The following COMMD10 variants were observed in gnomAD, a reference collection of about 807,000 sequenced individuals.
COMMD10 encodes the protein COMM domain-containing protein 10.
A neutral mutation model predicts 28.9 loss-of-function variants in COMMD10; 33 were observed. The ratio of observed to expected loss-of-function variants is 1.14; its 90% CI spans 0.87 to 1.53. COMMD10 has a LOEUF of 1.53. COMMD10 is among the 40% of genes most tolerant of loss of function. COMMD10 has a pLI of 0.00. For missense variants in COMMD10, 310 were observed against 233.4 expected (o/e 1.33, Z -2.14); for synonymous variants, 110 against 81.7 (o/e 1.35, Z -1.87).
chr5:116,120,672 T>C (rs1225521306), intron 4 of COMMD10, among the ~76,000 whole-genome samples: 20 of 152,236 alleles, frequency 1.3e-4, no homozygotes, highest in South Asian at 1.0e-3. Flanking sequence ...CTTACAGATA[T>C]ACTTTTTGTA....
At chr5:116,190,203 G>T (rs983425774) in intron 5 of COMMD10, among the ~76,000 whole-genome samples, 4 of 151,862 alleles carry the variant, frequency 2.6e-5, no homozygotes, top group Non-Finnish European at 5.9e-5. Context: ...GAGGATGGAG[G>T]GAAAGAAACT....
intron 1 of COMMD10, among the ~76,000 whole-genome samples, chr5:116,085,936 C>T (rs1750076925): frequency 6.6e-6 from 1 of 152,136 alleles, no homozygotes; most frequent in Admixed American, 6.5e-5. Context: ...AGGTTCTTGG[C>T]GTCTTGAACA....
intron 5 of COMMD10, among the ~76,000 whole-genome samples, chr5:116,154,789 T>G (rs1580497513): frequency 1.8e-4 from 1 of 5,522 alleles, no homozygotes; most frequent in Non-Finnish European, 5.2e-4. Context: ...AGCCCTTCAT[T>G]TTTTTTTTTT....
intron 4 of COMMD10, among the ~76,000 whole-genome samples, chr5:116,112,088 T>C (rs900596944): frequency 1.2e-4 from 19 of 152,230 alleles, no homozygotes; most frequent in African/African-American, 3.4e-4. Context: ...ACATTTCTTG[T>C]AGAGCTGGTC....
intron 5 of COMMD10, among the ~76,000 whole-genome samples, chr5:116,156,452 C>T (rs190216763): frequency 5.5e-4 from 83 of 152,220 alleles, no homozygotes; most frequent in African/African-American, 1.9e-3. Context: ...ATCTTCATTT[C>T]CTTGAAGAGG....
intron 5 of COMMD10, among the ~76,000 whole-genome samples, chr5:116,209,272 T>C (rs1387183749): frequency 6.6e-6 from 1 of 151,844 alleles, no homozygotes; most frequent in East Asian, 1.9e-4. Flanking sequence ...TAATATTTTC[T>C]ACTTACTGCT....
intron 5 of COMMD10, among the ~76,000 whole-genome samples, chr5:116,217,505 TA>T (rs752359551): frequency 1.1e-4 from 16 of 152,194 alleles, no homozygotes; most frequent in Non-Finnish European, 1.3e-4. Flanking sequence ...CGGCAGAATT[TA>T]TCTGAAGATC....
chr5:116,202,846 C>T (rs1365918512), intron 5 of COMMD10, among the ~76,000 whole-genome samples: 9 of 151,940 alleles, frequency 5.9e-5, no homozygotes, highest in Non-Finnish European at 8.8e-5. Flanking sequence ...TTCCTGTTCA[C>T]TCCGATGGTA....
chr5:116,232,487 A>G (rs916163212), intron 5 of COMMD10, among the ~76,000 whole-genome samples: 1 of 152,080 alleles, frequency 6.6e-6, no homozygotes, highest in African/African-American at 2.4e-5. Flanking sequence ...AAGTGTTCAG[A>G]AATAACAAAG....
At chr5:116,191,111 G>T (rs959742970) in intron 5 of COMMD10, among the ~76,000 whole-genome samples, 1 of 152,110 alleles carries the variant, frequency 6.6e-6, no homozygotes, top group African/African-American at 2.4e-5. Flanking sequence ...CCAGATTTCA[G>T]AGGGGTAGAG....
At chr5:116,148,125 T>A (rs1448742318) in intron 5 of COMMD10, among the ~76,000 whole-genome samples, 1 of 151,916 alleles carries the variant, frequency 6.6e-6, no homozygotes, top group South Asian at 2.1e-4. Context: ...TACTAACATG[T>A]TGACTAAAGT....
chr5:116,250,001 T>G (rs1750063169), intron 5 of COMMD10, among the ~76,000 whole-genome samples: 1 of 151,978 alleles, frequency 6.6e-6, no homozygotes, highest in Admixed American at 6.6e-5. Flanking sequence ...TTTTATATTG[T>G]TATATTTTTC....
chr5:116,165,512 C>T (rs927597066), intron 5 of COMMD10, among the ~76,000 whole-genome samples: 1 of 152,066 alleles, frequency 6.6e-6, no homozygotes, highest in African/African-American at 2.4e-5. Flanking sequence ...AAGGTCTTGG[C>T]AAATTTGGTT....
In COMMD10 at chr5:116,238,810, A is replaced by G. The variant is rs555382277; in HGVS notation, c.511-52707A>G. ...TGTGAGGGAGAGACTGGGCTTTGACATAGTACCACTGGATAATACATACAT... is the reference window on the plus strand; with the variant it reads ...TGTGAGGGAGAGACTGGGCTTTGACGTAGTACCACTGGATAATACATACAT... On this transcript the variant is annotated intron_variant, in intron 5 of 6. Transcript: ENST00000274458. Among the ~76,000 whole-genome samples, 25 of 152,332 alleles carry G rather than the reference A, an allele frequency of 1.6e-4. 1 individual carries two copies. The highest frequency in any genetic ancestry group is 5.3e-4 in the African/African-American group (22 of 41,574).
intron 4 of COMMD10, among the ~76,000 whole-genome samples, chr5:116,094,178 A>G (rs1208768935): frequency 6.6e-6 from 1 of 152,228 alleles, no homozygotes; most frequent in South Asian, 2.1e-4. Context: ...ATGGAACTAT[A>G]TTAAACTAAA....
intron 5 of COMMD10, among the ~76,000 whole-genome samples, chr5:116,181,735 G>A (rs1031845455): frequency 2.0e-5 from 3 of 151,642 alleles, no homozygotes; most frequent in Non-Finnish European, 4.4e-5. Context: ...TGAGAAGGAA[G>A]GTTTTTTAAT....
Position 116,091,361 on chromosome 5 carries a change from TTAAA to T in COMMD10, c.243+175_243+178del, listed in dbSNP as rs1750294295. Reference sequence around the variant, plus strand: ...AAAATATTTGAATATTGTAAAGTATTTAAATATGAATTGAGACTTCATTGATTTG... The same window carrying T: ...AAAATATTTGAATATTGTAAAGTATTTATGAATTGAGACTTCATTGATTTG... On this transcript the variant is annotated intron_variant, in intron 3 of 6. Coordinates refer to ENST00000274458, the MANE Select transcript of COMMD10 (RefSeq NM_016144.4). 2.0e-5 allele frequency among the ~76,000 whole-genome samples: 3 copies of T among 152,338 alleles called. No homozygotes were observed. The South Asian group carries it at 6.2e-4, about 32-fold the overall frequency.
Position 116,087,561 on chromosome 5 carries a change from C to T in COMMD10, c.106C>T (p.Arg36Trp), listed in dbSNP as rs768965375. The change falls in exon 2 of 7, where the codon CGG becomes TGG. Residue 36 changes from arginine to tryptophan, a missense_variant. Coordinates refer to ENST00000274458, the MANE Select transcript of COMMD10 (RefSeq NM_016144.4). ...DTGRFPRLLT[R>W]ILQKLHLKAE... ...AGGAAGATTTCCACGGTTGCTCACT[C>T]GGATTCTTCAAAAACTTCACCTGAA... is the stretch of plus-strand genomic sequence containing the variant. The T allele has an allele frequency of 2.0e-5, 32 of 1,611,000 alleles. No homozygotes were observed. The Admixed American group carries it at 2.7e-4, about 13-fold the overall frequency.
In COMMD10 at chr5:116,192,884, G is replaced by A. The variant is rs577251311; in HGVS notation, c.510+58706G>A. Among the ~76,000 whole-genome samples, 59 of 152,240 alleles carry A rather than the reference G, an allele frequency of 3.9e-4. 2 individuals are homozygous for A. In the South Asian group the frequency reaches 0.012, roughly 30 times the overall value. ...TCATCAGGTTATCCAAAGTTAAGAC[G>A]AAAGAATCTTAAGAGCTGTGAGACA... On this transcript the variant is annotated intron_variant, in intron 5 of 6. Transcript: ENST00000274458.
Sources: allele counts gnomAD v4.1 joint callset (sites outside exome capture counted in the v4.1 genomes callset), GRCh38; gene constraint gnomAD v4.1.1; transcripts MANE v1.5; gene names NCBI Gene and HGNC (gene_info 2026-07-23, HGNC 2026-07-21).